FAM227B: variants seen among roughly 807,000 people sequenced by gnomAD.
FAM227B encodes protein FAM227B.
A neutral mutation model predicts 73.8 loss-of-function variants in FAM227B; 88 were observed. The observed-to-expected ratio is 1.19, with a 90% CI of 1.00 to 1.42. The LOEUF (loss-of-function observed/expected upper bound fraction) is 1.42. FAM227B is among the 40% of genes most tolerant of loss of function. The pLI, the probability that FAM227B is intolerant of heterozygous loss-of-function variation, is 0.00. For missense variants in FAM227B, 632 were observed against 590.9 expected (o/e 1.07, Z -0.72); for synonymous variants, 210 against 190.5 (o/e 1.10, Z -0.84).
At chr15:49,578,903 T>C (rs1042035445) in intron 5 of FAM227B, among the ~76,000 whole-genome samples, 1 of 152,186 alleles carries the variant, frequency 6.6e-6, no homozygotes, top group Admixed American at 6.5e-5. Flanking sequence ...GCAAACCATC[T>C]ATTTAACAAG....
chr15:49,504,858 G>A (rs1056082907), intron 11 of FAM227B, among the ~76,000 whole-genome samples: 17 of 151,988 alleles, frequency 1.1e-4, no homozygotes, highest in African/African-American at 2.4e-4. Context: ...GACCTAATAC[G>A]TTACATAACC....
At chr15:49,544,501 C>T (rs2071536445) in intron 9 of FAM227B, among the ~76,000 whole-genome samples, 1 of 152,134 alleles carries the variant, frequency 6.6e-6, no homozygotes, top group South Asian at 2.1e-4. Context: ...CTCTTTATTT[C>T]ATTCTCTTCT....
At chr15:49,504,281 TGGGGGGA>T (rs1416960711) in intron 11 of FAM227B, among the ~76,000 whole-genome samples, 12 of 60,130 alleles carry the variant, frequency 2.0e-4, no homozygotes, top group Non-Finnish European at 3.4e-4. Flanking sequence ...TGTTGTGGGG[TGGGGGGA>T]GGGGGGAGGG....
chr15:49,431,222 T>C (rs931367353), intron 11 of FAM227B, among the ~76,000 whole-genome samples: 1 of 151,758 alleles, frequency 6.6e-6, no homozygotes, highest in African/African-American at 2.4e-5. Flanking sequence ...CTCAAATAGG[T>C]TGTAAATGAA....
At chr15:49,423,043 C>A (rs1235815915) in intron 11 of FAM227B, 4 of 221,700 alleles carry the variant, frequency 1.8e-5, no homozygotes, top group African/African-American at 9.1e-5. Context: ...AACCAGAGAT[C>A]TGTTTCTACA....
intron 11 of FAM227B, among the ~76,000 whole-genome samples, chr15:49,504,467 G>A (rs2058419600): frequency 6.6e-6 from 1 of 151,926 alleles, no homozygotes; most frequent in Non-Finnish European, 1.5e-5. Flanking sequence ...TCATAACTTT[G>A]TTACTCAAAG....
rs2056920539 is a variant in FAM227B at position 49,489,905 on chromosome 15, G to GAA, written c.1012+18305_1012+18306insTT. Among the ~76,000 whole-genome samples the GAA allele has an allele frequency of 6.5e-5, 2 of 30,964 alleles. 1 individual carries two copies. The highest frequency in any genetic ancestry group is 1.7e-4 in the Non-Finnish European group (2 of 11,746). 20.3% of individuals were successfully genotyped at this position (30,964 alleles called of 152,430 possible). On this transcript the variant is annotated intron_variant, in intron 11 of 15. Coordinates refer to ENST00000299338, the MANE Select transcript of FAM227B (RefSeq NM_152647.3). ...ATATAGAGAGAGAGAGAGAGAGAGA[G>GAA]AGAGAGAGACAGAGAGAGAGACAGA...
chr15:49,491,174 C>A (rs561773341), intron 11 of FAM227B, among the ~76,000 whole-genome samples: 1 of 152,044 alleles, frequency 6.6e-6, no homozygotes, highest in South Asian at 2.1e-4. Flanking sequence ...AGATTCATCT[C>A]TTTCTTCATC....
intron 11 of FAM227B, among the ~76,000 whole-genome samples, chr15:49,495,585 T>C (rs1324953631): frequency 2.0e-5 from 3 of 152,212 alleles, no homozygotes; most frequent in African/African-American, 7.2e-5. Flanking sequence ...TGGTTTTCTT[T>C]TAATGATGTA....
intron 2 of FAM227B, 71 bp downstream of exon 2, chr15:49,615,050 C>A (rs2078201496): frequency 7.1e-7 from 1 of 1,403,232 alleles, no homozygotes; most frequent in African/African-American, 1.4e-5. Flanking sequence ...ACCTGGGAGC[C>A]CTGATTACCT....
chr15:49,550,194 G>T (rs2072694615), intron 9 of FAM227B, among the ~76,000 whole-genome samples: 1 of 148,770 alleles, frequency 6.7e-6, no homozygotes, highest in African/African-American at 2.5e-5. Context: ...CGGGGTGGCT[G>T]GCCGGGCGGG....
intron 11 of FAM227B, among the ~76,000 whole-genome samples, chr15:49,452,911 C>T (rs2052901298): frequency 6.6e-6 from 1 of 152,122 alleles, no homozygotes; most frequent in Admixed American, 6.6e-5. Flanking sequence ...GAATATTTTA[C>T]ATATTTCAAA....
chr15:49,504,949 T>C (rs905652104), intron 11 of FAM227B, among the ~76,000 whole-genome samples: 4 of 152,166 alleles, frequency 2.6e-5, no homozygotes, highest in African/African-American at 9.7e-5. Context: ...TGTATATAAA[T>C]GTTCATAGCA....
chr15:49,573,015 T>C (rs1189818125), intron 8 of FAM227B, among the ~76,000 whole-genome samples: 2 of 151,828 alleles, frequency 1.3e-5, no homozygotes, highest in Non-Finnish European at 2.9e-5. Context: ...TTTCTTAAGG[T>C]AGAAGCTGAA....
intron 13 of FAM227B, among the ~76,000 whole-genome samples, chr15:49,359,914 A>C (rs1262464202): frequency 6.7e-6 from 1 of 148,942 alleles, no homozygotes; most frequent in African/African-American, 2.5e-5. Context: ...CAGCCATAAA[A>C]AATTATGAGT....
chr15:49,436,353 T>C (rs1445126884), intron 11 of FAM227B, among the ~76,000 whole-genome samples: 1 of 151,740 alleles, frequency 6.6e-6, no homozygotes, highest in East Asian at 1.9e-4. Flanking sequence ...CATCATTGTA[T>C]ATTAAGGAGC....
intron 11 of FAM227B, chr15:49,483,085 G>A: frequency 1.2e-6 from 1 of 852,106 alleles, no homozygotes; most frequent in South Asian, 1.3e-5. Flanking sequence ...AAGAACAAAT[G>A]GCCATTCGTG....
chr15:49,350,281 A>G (rs562752515), intron 13 of FAM227B, among the ~76,000 whole-genome samples: 1 of 152,320 alleles, frequency 6.6e-6, no homozygotes, highest in South Asian at 2.1e-4. Flanking sequence ...TTCTACTTAT[A>G]CTTAATTTCA....
chr15:49,564,255 T>TA (rs1201844369), intron 9 of FAM227B, among the ~76,000 whole-genome samples: 1 of 152,102 alleles, frequency 6.6e-6, no homozygotes, highest in Non-Finnish European at 1.5e-5. Context: ...CACCAATCAT[T>TA]AGAGAAATGC....
Sources: allele counts gnomAD v4.1 joint callset (sites outside exome capture counted in the v4.1 genomes callset), GRCh38; gene constraint gnomAD v4.1.1; transcripts MANE v1.5; gene names NCBI Gene and HGNC (gene_info 2026-07-23, HGNC 2026-07-21).